Variants in ADGRB3 observed in about 807,000 individuals in gnomAD.
The protein encoded by ADGRB3 is adhesion G protein-coupled receptor B3.
Under a neutral mutation model 193.4 loss-of-function variants are expected in ADGRB3, and 37 were observed. The ratio of observed to expected loss-of-function variants is 0.19; its 90% CI spans 0.15 to 0.25. The LOEUF (loss-of-function observed/expected upper bound fraction) is 0.25, where lower values mean the gene tolerates loss of function less well. ADGRB3 is among the 10% of genes least tolerant of loss of function. ADGRB3 has a pLI of 1.00. For missense variants in ADGRB3, 1,637 were observed against 1,852.9 expected (o/e 0.88, Z 2.14); for synonymous variants, 690 against 644.2 (o/e 1.07, Z -1.08).
chr6:68,845,305 A>G (rs1158393964), intron 3 of ADGRB3, among the ~76,000 whole-genome samples: 1 of 152,110 alleles, frequency 6.6e-6, no homozygotes. Context: ...TTGATGATAG[A>G]GGCAGAGATT....
At chr6:69,129,597 T>G (rs756446902) in intron 17 of ADGRB3, among the ~76,000 whole-genome samples, 5 of 152,046 alleles carry the variant, frequency 3.3e-5, no homozygotes, top group Non-Finnish European at 5.9e-5. Context: ...AAATATAAAA[T>G]TAAAACGTTT....
At chr6:69,376,915 TA>T in intron 30 of ADGRB3, among the ~76,000 whole-genome samples, 1 of 152,074 alleles carries the variant, frequency 6.6e-6, no homozygotes, top group East Asian at 1.9e-4. Context: ...AGTGGCAAAA[TA>T]AAAAAATATG....
chr6:69,319,848 T>C (rs919515764), intron 20 of ADGRB3, among the ~76,000 whole-genome samples: 3 of 151,500 alleles, frequency 2.0e-5, no homozygotes, highest in African/African-American at 7.2e-5. Context: ...TTACTGGAAT[T>C]AGACTTTTTT....
At chr6:68,914,799 G>T (rs1260181685) in intron 3 of ADGRB3, among the ~76,000 whole-genome samples, 1 of 152,192 alleles carries the variant, frequency 6.6e-6, no homozygotes, top group Non-Finnish European at 1.5e-5. Flanking sequence ...CATCATTAAA[G>T]TGATTCTACC....
At position 68,729,775 on chromosome 6, in the gene ADGRB3, G is replaced by A. The variant is rs373581102; in HGVS notation, c.757+90343G>A. ...GCTGAGGGAAGCATAGTCAGATAAT[G>A]GCTTTCTCTATGCTTTATTGATTCC... On this transcript the variant is annotated intron_variant, in intron 3 of 31. Transcript: ENST00000370598. Among the ~76,000 whole-genome samples the A allele has an allele frequency of 2.0e-5, 3 of 151,560 alleles. No homozygotes were observed. In the South Asian group the frequency reaches 6.2e-4, roughly 32 times the overall value.
At chr6:68,947,402 G>A (rs1767801526) in intron 6 of ADGRB3, among the ~76,000 whole-genome samples, 1 of 151,760 alleles carries the variant, frequency 6.6e-6, no homozygotes, top group Admixed American at 6.6e-5. Context: ...ACATATTTGA[G>A]GATAAATAAA....
intron 22 of ADGRB3, among the ~76,000 whole-genome samples, chr6:69,328,780 A>T (rs910478218): frequency 3.3e-5 from 5 of 152,166 alleles, no homozygotes; most frequent in South Asian, 2.1e-4. Flanking sequence ...TAGTATTTTT[A>T]AAAATTCTGA....
chr6:69,251,720 C>T (rs1279319198), intron 20 of ADGRB3, among the ~76,000 whole-genome samples: 2 of 152,122 alleles, frequency 1.3e-5, no homozygotes, highest in Non-Finnish European at 2.9e-5. Context: ...TAATGATTCC[C>T]ACAGTCAAGT....
At chr6:69,178,330 C>T (rs1775486975) in intron 17 of ADGRB3, among the ~76,000 whole-genome samples, 1 of 152,162 alleles carries the variant, frequency 6.6e-6, no homozygotes, top group African/African-American at 2.4e-5. Flanking sequence ...AATGACATTA[C>T]ATTACAGGTG....
At chr6:69,043,276 GA>G (rs1450531044) in intron 13 of ADGRB3, among the ~76,000 whole-genome samples, 3 of 62,616 alleles carry the variant, frequency 4.8e-5, no homozygotes, top group African/African-American at 1.7e-4. Flanking sequence ...GAAAGAAAAG[GA>G]AAGGAAGAAA....
chr6:69,122,853 T>C (rs1357432708), intron 17 of ADGRB3, among the ~76,000 whole-genome samples: 1 of 152,024 alleles, frequency 6.6e-6, no homozygotes, highest in Non-Finnish European at 1.5e-5. Context: ...TACATACAAC[T>C]TATTCTGTGA....
At chr6:69,085,286 A>G (rs1169321778) in intron 17 of ADGRB3, among the ~76,000 whole-genome samples, 2 of 152,168 alleles carry the variant, frequency 1.3e-5, no homozygotes. Context: ...CTTGGAATTC[A>G]TCCCATATTT....
At chr6:69,048,548 A>G (rs1389818098) in intron 14 of ADGRB3, among the ~76,000 whole-genome samples, 1 of 152,162 alleles carries the variant, frequency 6.6e-6, no homozygotes, top group African/African-American at 2.4e-5. Context: ...TGAAAAATAT[A>G]CAAGTGCAAA....
intron 14 of ADGRB3, among the ~76,000 whole-genome samples, chr6:69,048,585 A>G (rs1279138564): frequency 6.6e-6 from 1 of 152,170 alleles, no homozygotes; most frequent in Non-Finnish European, 1.5e-5. Context: ...GACATGGTCA[A>G]GTTTCAATAT....
At chr6:68,958,482 G>T (rs1246967324) in intron 8 of ADGRB3, among the ~76,000 whole-genome samples, 1 of 151,866 alleles carries the variant, frequency 6.6e-6, no homozygotes, top group African/African-American at 2.4e-5. Flanking sequence ...TTCTTAACTG[G>T]TCTTTTAAAA....
chr6:69,222,686 A>AT (rs1276189796), intron 17 of ADGRB3, among the ~76,000 whole-genome samples: 3 of 152,140 alleles, frequency 2.0e-5, no homozygotes, highest in African/African-American at 7.2e-5. Context: ...ATTATCTAAT[A>AT]TTTATTGAAG....
chr6:68,695,467 G>T (rs1156466928), intron 3 of ADGRB3, among the ~76,000 whole-genome samples: 2 of 151,996 alleles, frequency 1.3e-5, no homozygotes, highest in Non-Finnish European at 1.5e-5. Context: ...TCAGCAAAAG[G>T]CCTCTTCTGA....
At chr6:68,870,521 C>T (rs1377586736) in intron 3 of ADGRB3, among the ~76,000 whole-genome samples, 1 of 152,160 alleles carries the variant, frequency 6.6e-6, no homozygotes, top group African/African-American at 2.4e-5. Flanking sequence ...ATTTACTACC[C>T]TCATAGCATC....
At chr6:69,042,223 A>G (rs1228142874) in intron 13 of ADGRB3, among the ~76,000 whole-genome samples, 1 of 152,192 alleles carries the variant, frequency 6.6e-6, no homozygotes, top group African/African-American at 2.4e-5. Flanking sequence ...ACAGTCAATT[A>G]AACCTCTTTT....
Sources: allele counts gnomAD v4.1 joint callset (sites outside exome capture counted in the v4.1 genomes callset), GRCh38; gene constraint gnomAD v4.1.1; transcripts MANE v1.5; gene names NCBI Gene and HGNC (gene_info 2026-07-23, HGNC 2026-07-21).